CREB5: variants seen among roughly 807,000 people sequenced by gnomAD.
The protein encoded by CREB5 is cAMP responsive element binding protein 5, also known as cyclic AMP-responsive element-binding protein 5.
CREB5 carries 19 observed loss-of-function variants against 57.1 expected under a neutral mutation model. The observed-to-expected ratio is 0.33, with a 90% CI of 0.23 to 0.49. The LOEUF (loss-of-function observed/expected upper bound fraction) is 0.49, where lower values mean the gene tolerates loss of function less well. Ranked by LOEUF, CREB5 falls within the 20% of genes least tolerant of loss-of-function variation. The pLI, the probability that CREB5 is intolerant of heterozygous loss-of-function variation, is 0.99. For synonymous variants in CREB5, 238 were observed against 238.3 expected, an observed-to-expected ratio of 1.00 and a Z score of 0.01; for missense variants, 579 against 671.6, an observed-to-expected ratio of 0.86 and a Z score of 1.52.
chr7:28,518,087 C>T (rs961072671), intron 4 of CREB5, among the ~76,000 whole-genome samples: 4 of 152,100 alleles, frequency 2.6e-5, no homozygotes, highest in Non-Finnish European at 5.9e-5. Context: ...GCTTCCCAGT[C>T]CTCTCTGTAA....
Position 28,443,636 on chromosome 7 carries a change from G to T in CREB5, c.3+30719G>T, listed in dbSNP as rs149825838. ...AAATATGTATTGAATACCTGTATGT[G>T]TTAAGGTTCCTTAGCTAAAAATTGG... On this transcript the variant is annotated intron_variant, in intron 1 of 10. Transcript: ENST00000357727. Among the ~76,000 whole-genome samples the T allele has an allele frequency of 1.6e-3, 248 of 152,266 alleles. 1 individual carries two copies. The highest frequency in any genetic ancestry group is 6.8e-3 in the Middle Eastern group (2 of 294).
At chr7:28,425,011 A>G (rs1788440550) in intron 1 of CREB5, among the ~76,000 whole-genome samples, 1 of 152,208 alleles carries the variant, frequency 6.6e-6, no homozygotes, top group African/African-American at 2.4e-5. Context: ...TTTTAGGCTC[A>G]TGGGTACATG....
intron 1 of CREB5, among the ~76,000 whole-genome samples, chr7:28,329,748 T>C (rs1221970201): frequency 2.6e-5 from 4 of 152,234 alleles, no homozygotes; most frequent in African/African-American, 9.6e-5. Context: ...CATAATGTGA[T>C]GATTTATGCC....
At chr7:28,812,588 A>G (rs1241997115) in intron 9 of CREB5, among the ~76,000 whole-genome samples, 1 of 152,162 alleles carries the variant, frequency 6.6e-6, no homozygotes, top group East Asian at 1.9e-4. Context: ...ACAGTACCCA[A>G]AAAAGGGACA....
At chr7:28,406,658 C>G (rs940167943) in intron 1 of CREB5, among the ~76,000 whole-genome samples, 2 of 152,232 alleles carry the variant, frequency 1.3e-5, no homozygotes, top group African/African-American at 4.8e-5. Context: ...CAGGCCATGG[C>G]CACCGCCAGT....
chr7:28,567,228 C>T (rs970003440), intron 4 of CREB5, among the ~76,000 whole-genome samples: 1 of 152,204 alleles, frequency 6.6e-6, no homozygotes, highest in Non-Finnish European at 1.5e-5. Flanking sequence ...AGGCTTGTGG[C>T]TTTCTTCTTA....
chr7:28,392,541 G>C (rs1787242019), intron 1 of CREB5, among the ~76,000 whole-genome samples: 1 of 152,238 alleles, frequency 6.6e-6, no homozygotes, highest in African/African-American at 2.4e-5. Context: ...CCAGGTTTAT[G>C]TGGGATTACA....
intron 5 of CREB5, among the ~76,000 whole-genome samples, chr7:28,706,002 T>C (rs570851481): frequency 1.3e-5 from 2 of 152,332 alleles, no homozygotes; most frequent in South Asian, 2.1e-4. Context: ...TCCATTAAAA[T>C]GTAAACCTGG....
chr7:28,433,122 T>C (rs1424481983), intron 1 of CREB5, among the ~76,000 whole-genome samples: 1 of 152,206 alleles, frequency 6.6e-6, no homozygotes, highest in Non-Finnish European at 1.5e-5. Flanking sequence ...ATAAATAATA[T>C]TGTGATAAGC....
chr7:28,516,589 C>T (rs1323448593), intron 4 of CREB5, among the ~76,000 whole-genome samples: 1 of 152,208 alleles, frequency 6.6e-6, no homozygotes, highest in African/African-American at 2.4e-5. Context: ...TCCCATCAGG[C>T]AGCCTTACTG....
chr7:28,372,116 G>C (rs7782982), intron 1 of CREB5, among the ~76,000 whole-genome samples: 2 of 152,040 alleles, frequency 1.3e-5, no homozygotes, highest in Admixed American at 6.6e-5. Context: ...CAGGCGCTGG[G>C]CTGGCGTATA....
chr7:28,302,940 G>A (rs1785122472), intron 1 of CREB5, among the ~76,000 whole-genome samples: 1 of 152,118 alleles, frequency 6.6e-6, no homozygotes, highest in South Asian at 2.1e-4. Context: ...GCGGAATATA[G>A]GGTTGCTCTC....
intron 5 of CREB5, among the ~76,000 whole-genome samples, chr7:28,601,958 C>T (rs1796934018): frequency 6.7e-6 from 1 of 148,948 alleles, no homozygotes; most frequent in South Asian, 2.1e-4. Flanking sequence ...AAGATTAAGA[C>T]ATATTCTTAG....
At chr7:28,670,821 A>G (rs1800006470) in intron 5 of CREB5, among the ~76,000 whole-genome samples, 1 of 152,180 alleles carries the variant, frequency 6.6e-6, no homozygotes, top group East Asian at 1.9e-4. Context: ...TGAGGAAGTT[A>G]CCATTACATT....
chr7:28,590,642 C>T (rs762174247), intron 5 of CREB5, among the ~76,000 whole-genome samples: 3 of 149,854 alleles, frequency 2.0e-5, no homozygotes, highest in Non-Finnish European at 3.0e-5. Flanking sequence ...CAAACCTGCA[C>T]GTTGTGCGCA....
chr7:28,410,149 G>C (rs1787714664), upstream of CREB5: 1 of 398,828 alleles, frequency 2.5e-6, no homozygotes, highest in Non-Finnish European at 4.9e-6. Flanking sequence ...CGGCTGCAGC[G>C]GGTGGGCGCG....
chr7:28,719,299 A>G (rs1802883371), intron 6 of CREB5, among the ~76,000 whole-genome samples: 1 of 152,226 alleles, frequency 6.6e-6, no homozygotes, highest in Non-Finnish European at 1.5e-5. Context: ...AGCTGCTAAC[A>G]TGCATTTATG....
chr7:28,416,041 G>A (rs1385189479), intron 1 of CREB5, among the ~76,000 whole-genome samples: 2 of 152,146 alleles, frequency 1.3e-5, no homozygotes, highest in East Asian at 3.8e-4. Context: ...GGGCTCTAGA[G>A]CACCACACAT....
intron 1 of CREB5, among the ~76,000 whole-genome samples, chr7:28,332,975 A>G (rs183915370): frequency 2.6e-4 from 39 of 152,312 alleles, no homozygotes; most frequent in South Asian, 2.5e-3. Context: ...CTTGAACACT[A>G]CACTAGTTTT....
Sources: gnomAD v4.1 joint callset for allele counts (sites outside exome capture counted in the v4.1 genomes callset) on GRCh38, gnomAD v4.1.1 for gene constraint, MANE v1.5 for transcripts, NCBI Gene and HGNC (gene_info 2026-07-23, HGNC 2026-07-21) for gene names.